NDST4: variants seen among roughly 807,000 people sequenced by gnomAD.
NDST4 encodes N-heparan sulfate sulfotransferase 4.
A neutral mutation model predicts 100.8 loss-of-function variants in NDST4; 63 were observed. The ratio of observed to expected loss-of-function variants is 0.62; its 90% CI spans 0.51 to 0.77. The LOEUF (loss-of-function observed/expected upper bound fraction) is 0.77, where lower values mean the gene tolerates loss of function less well. Ranked by LOEUF, NDST4 falls within the 30% of genes least tolerant of loss-of-function variation. The pLI is 0.00. For missense variants in NDST4, 943 were observed against 1,018.4 expected (o/e 0.93, Z 1.01); for synonymous variants, 377 against 361.8 (o/e 1.04, Z -0.48).
At chr4:114,952,746 C>T (rs1273579403) in intron 4 of NDST4, among the ~76,000 whole-genome samples, 7 of 151,934 alleles carry the variant, frequency 4.6e-5, no homozygotes, top group Non-Finnish European at 1.0e-4. Context: ...GGGTAAAAAC[C>T]TTATCTATTG....
At chr4:114,882,471 G>A (rs576179784) in intron 6 of NDST4, among the ~76,000 whole-genome samples, 207 of 152,190 alleles carry the variant, frequency 1.4e-3, no homozygotes, top group African/African-American at 4.6e-3. Context: ...TACTTAGTGA[G>A]CTGGTGTTAA....
intron 6 of NDST4, among the ~76,000 whole-genome samples, chr4:114,917,436 T>C (rs1475323711): frequency 6.6e-6 from 1 of 152,140 alleles, no homozygotes; most frequent in East Asian, 1.9e-4. Flanking sequence ...CTCCAAGTTA[T>C]ATTAGTATTT....
intron 2 of NDST4, among the ~76,000 whole-genome samples, chr4:115,025,105 C>T (rs191024654): frequency 6.6e-6 from 1 of 152,130 alleles, no homozygotes; most frequent in African/African-American, 2.4e-5. Context: ...TATAAATTAC[C>T]GAGTCTTGTT....
At chr4:114,991,742 G>A (rs992960169) in intron 2 of NDST4, among the ~76,000 whole-genome samples, 3 of 151,934 alleles carry the variant, frequency 2.0e-5, no homozygotes, top group Non-Finnish European at 2.9e-5. Flanking sequence ...ATTAAATGGA[G>A]TATTTATACT....
intron 6 of NDST4, among the ~76,000 whole-genome samples, chr4:114,931,889 T>C (rs547000493): frequency 2.0e-4 from 30 of 151,826 alleles, no homozygotes; most frequent in Non-Finnish European, 2.7e-4. Flanking sequence ...CTTAATGGTG[T>C]CACTGATGTA....
chr4:114,830,634 T>C (rs1241393872), intron 12 of NDST4, among the ~76,000 whole-genome samples: 11 of 152,168 alleles, frequency 7.2e-5, no homozygotes, highest in Non-Finnish European at 7.3e-5. Flanking sequence ...AATTTTTGTT[T>C]AGGACTAACA....
At chr4:114,865,041 A>G (rs541700721) in intron 7 of NDST4, among the ~76,000 whole-genome samples, 30 of 151,536 alleles carry the variant, frequency 2.0e-4, no homozygotes, top group Middle Eastern at 3.4e-3. Context: ...AAGGTGGCAT[A>G]TTTACTTTGT....
At chr4:114,969,375 A>G (rs530151016) in intron 4 of NDST4, among the ~76,000 whole-genome samples, 1 of 151,554 alleles carries the variant, frequency 6.6e-6, no homozygotes, top group South Asian at 2.1e-4. Context: ...GGTTTATGAT[A>G]TAGATAAATT....
chr4:115,091,412 T>C (rs1437100385), intron 1 of NDST4, among the ~76,000 whole-genome samples: 2 of 152,090 alleles, frequency 1.3e-5, no homozygotes. Flanking sequence ...ACAACTTATA[T>C]ACAAAAGACA....
At chr4:115,062,820 T>C (rs1349340895) in intron 2 of NDST4, among the ~76,000 whole-genome samples, 2 of 151,780 alleles carry the variant, frequency 1.3e-5, no homozygotes, top group African/African-American at 4.8e-5. Flanking sequence ...ACAAAGAAAA[T>C]TAGTTTAGTA....
chr4:114,970,691 C>A, intron 3 of NDST4, 107 bp from the exon 4 acceptor site: 1 of 911,700 alleles, frequency 1.1e-6, no homozygotes, highest in Non-Finnish European at 1.6e-6. Context: ...TACATATATC[C>A]AATTCTGTGG....
At chr4:115,101,233 A>T (rs942460198) in intron 1 of NDST4, among the ~76,000 whole-genome samples, 1 of 152,130 alleles carries the variant, frequency 6.6e-6, no homozygotes. Context: ...TAAGTGTAAT[A>T]GTGGGGAAGA....
At chr4:115,070,615 A>G (rs939520312) in intron 2 of NDST4, among the ~76,000 whole-genome samples, 9 of 152,210 alleles carry the variant, frequency 5.9e-5, no homozygotes, top group Non-Finnish European at 4.4e-5. Context: ...AACAAATGAA[A>G]GTTATTGAAA....
intron 2 of NDST4, among the ~76,000 whole-genome samples, chr4:115,025,068 C>T (rs1027625244): frequency 1.7e-5 from 2 of 118,794 alleles, no homozygotes; most frequent in Non-Finnish European, 1.8e-5. Context: ...CTTCCTACAA[C>T]CACAAGCCAA....
chr4:115,053,578 T>G (rs1381313164), intron 2 of NDST4, among the ~76,000 whole-genome samples: 1 of 152,154 alleles, frequency 6.6e-6, no homozygotes, highest in Admixed American at 6.6e-5. Context: ...CTTTTGATGT[T>G]TGAATGATAA....
chr4:115,081,787 C>T (rs1232313672), intron 1 of NDST4, among the ~76,000 whole-genome samples: 3 of 152,106 alleles, frequency 2.0e-5, no homozygotes, highest in African/African-American at 7.2e-5. Flanking sequence ...GAAACAGAAA[C>T]ATTTGAGAGC....
intron 6 of NDST4, among the ~76,000 whole-genome samples, chr4:114,924,715 C>T (rs1294437281): frequency 6.6e-6 from 1 of 151,978 alleles, no homozygotes. Context: ...GATGAAGAGA[C>T]GTTGATTAAT....
At chr4:114,953,573 A>G (rs542553814) in intron 4 of NDST4, among the ~76,000 whole-genome samples, 4 of 152,266 alleles carry the variant, frequency 2.6e-5, no homozygotes, top group African/African-American at 9.6e-5. Context: ...CATATTAACA[A>G]TGAAAACTTA....
chr4:114,948,000 CAT>C (rs1259428378), intron 4 of NDST4, among the ~76,000 whole-genome samples: 1 of 152,014 alleles, frequency 6.6e-6, no homozygotes, highest in African/African-American at 2.4e-5. Context: ...TGATTATGAA[CAT>C]ATTTCCAAAC....
Sources: gnomAD v4.1 joint callset for allele counts (sites outside exome capture counted in the v4.1 genomes callset) on GRCh38, gnomAD v4.1.1 for gene constraint, MANE v1.5 for transcripts, NCBI Gene and HGNC (gene_info 2026-07-23, HGNC 2026-07-21) for gene names.